The following GFRA1 variants were observed in gnomAD, a reference collection of about 807,000 sequenced individuals.
The protein encoded by GFRA1 is GDNF family receptor alpha-1.
Under a neutral mutation model 51.6 loss-of-function variants are expected in GFRA1, and 16 were observed. The ratio of observed to expected loss-of-function variants is 0.31; its 90% CI spans 0.21 to 0.47. The LOEUF is 0.47. Among genes scored for constraint, GFRA1 ranks in the 20% least tolerant of loss-of-function variants. The probability of loss-of-function intolerance (pLI) is 1.00; values close to 1 mark genes in which losing one functional copy is unlikely to be tolerated. For synonymous variants in GFRA1, 270 were observed against 241.3 expected, an observed-to-expected ratio of 1.12 and a Z score of -1.10; for missense variants, 530 against 594.3, an observed-to-expected ratio of 0.89 and a Z score of 1.13.
At chr10:116,155,934 C>A (rs1343727076) in intron 5 of GFRA1, among the ~76,000 whole-genome samples, 2 of 152,200 alleles carry the variant, frequency 1.3e-5, no homozygotes, top group Non-Finnish European at 2.9e-5. Context: ...GCACACCCAC[C>A]AAAAGCAAAC....
intron 6 of GFRA1, among the ~76,000 whole-genome samples, chr10:116,123,487 T>G (rs776921490): frequency 2.0e-5 from 3 of 152,196 alleles, no homozygotes; most frequent in Non-Finnish European, 4.4e-5. Context: ...ACAGTTTTCT[T>G]TGGTCATTAT....
chr10:116,109,228 C>T (rs1196344337), intron 6 of GFRA1, among the ~76,000 whole-genome samples: 3 of 152,074 alleles, frequency 2.0e-5, no homozygotes, highest in South Asian at 2.1e-4. Flanking sequence ...GGAAAGAAGC[C>T]GCAGCTTCTT....
chr10:116,193,239 GA>G lies in GFRA1; in HGVS notation c.433+18391del, dbSNP rs559983101. On this transcript the variant is annotated intron_variant, in intron 5 of 10. Coordinates refer to ENST00000355422, the MANE Select transcript of GFRA1 (RefSeq NM_005264.8). ...GCCATTTCTGCAAACAGCGGGTTTG[GA>G]AAATACAAAGGACCCCTGCCACCTC... is the stretch of plus-strand genomic sequence containing the variant. Among the ~76,000 whole-genome samples, 20 of 152,212 alleles carry G rather than the reference GA, an allele frequency of 1.3e-4. 1 individual carries two copies. In the South Asian group the frequency reaches 3.7e-3, roughly 28 times the overall value.
Position 116,062,141 on chromosome 10 carries a change from C to A in GFRA1, c.*2257G>T. 1 of 398,564 alleles carries A rather than the reference C, an allele frequency of 2.5e-6. No homozygotes were observed. The highest frequency in any genetic ancestry group is 1.3e-4 in the South Asian group (1 of 7,832). 24.7% of individuals were successfully genotyped at this position (398,564 alleles called of 1,614,324 possible). A position where few individuals can be genotyped will look rare whatever the true frequency, so the allele number is the denominator to read the frequency against. On this transcript the variant is annotated 3_prime_UTR_variant, in exon 11 of 11. Coordinates refer to ENST00000355422, the MANE Select transcript of GFRA1 (RefSeq NM_005264.8). ...CTGAAACTCCCATTTCCGCTTTGGTCATCTGATGCTAATTAGAGCTGCTGT... is the reference window on the plus strand; with the variant it reads ...CTGAAACTCCCATTTCCGCTTTGGTAATCTGATGCTAATTAGAGCTGCTGT...
At chr10:116,102,664 C>G (rs945339770) in intron 6 of GFRA1, among the ~76,000 whole-genome samples, 7 of 152,250 alleles carry the variant, frequency 4.6e-5, no homozygotes, top group African/African-American at 1.7e-4. Flanking sequence ...AAGGGGTTTC[C>G]CCTTATGAAA....
In GFRA1 at chr10:116,064,543, C is replaced by A; in HGVS notation, c.1253G>T (p.Gly418Val). ...ACCGAGACCTTCTTTTTCATAATTA[C>A]CCTGTAAGGAAGAATGGTTTCATTA... is the stretch of plus-strand genomic sequence containing the variant. ...SGNTHLCISN[G>V]NYEKEGLGAS... Residue 418 changes from glycine to valine, a missense_variant and splice_region_variant, in exon 11 of 11, where the codon GGT (glycine) becomes GTT (valine). Gly to Val is a moderately radical substitution (Grantham distance 109). Transcript: ENST00000355422. 5 of 1,611,402 alleles carry A rather than the reference C, an allele frequency of 3.1e-6. No homozygotes were observed. The highest frequency in any genetic ancestry group is 4.2e-6 in the Non-Finnish European group (5 of 1,177,816).
chr10:116,124,228 T>C (rs772106762), intron 6 of GFRA1, among the ~76,000 whole-genome samples: 2 of 147,614 alleles, frequency 1.4e-5, no homozygotes, highest in Non-Finnish European at 3.0e-5. Context: ...TTCTTCTTCT[T>C]CTTCTTCTTT....
intron 5 of GFRA1, among the ~76,000 whole-genome samples, chr10:116,150,871 T>C (rs1292535549): frequency 6.6e-6 from 1 of 152,258 alleles, no homozygotes; most frequent in African/African-American, 2.4e-5. Flanking sequence ...ATGATTCAGA[T>C]GTTAGTTCTG....
At chr10:116,125,188 C>A in intron 6 of GFRA1, 33 bp downstream of exon 6, 1 of 1,566,736 alleles carries the variant, frequency 6.4e-7, no homozygotes, top group Non-Finnish European at 8.8e-7. Context: ...TCCCTGTCAC[C>A]TCATTAATCA....
At chr10:116,211,311 A>G (rs1281670426) in intron 5 of GFRA1, among the ~76,000 whole-genome samples, 1 of 152,126 alleles carries the variant, frequency 6.6e-6, no homozygotes, top group Non-Finnish European at 1.5e-5. Context: ...TCCCCTCCAG[A>G]GTATCAGTCC....
intron 5 of GFRA1, among the ~76,000 whole-genome samples, chr10:116,205,431 T>C (rs1247249638): frequency 6.6e-6 from 1 of 151,542 alleles, no homozygotes; most frequent in African/African-American, 2.4e-5. Flanking sequence ...AAAAATTAGC[T>C]GGGCGTAGCG....
At chr10:116,201,341 G>C (rs1459662732) in intron 5 of GFRA1, among the ~76,000 whole-genome samples, 2 of 152,074 alleles carry the variant, frequency 1.3e-5, no homozygotes, top group East Asian at 1.9e-4. Flanking sequence ...GAGTGTTAGG[G>C]GGCAGAAGAA....
intron 4 of GFRA1, among the ~76,000 whole-genome samples, chr10:116,267,534 C>G (rs1173005505): frequency 6.6e-6 from 1 of 152,134 alleles, no homozygotes; most frequent in African/African-American, 2.4e-5. Flanking sequence ...AACCCAGTGG[C>G]CCTTCTTCCT....
chr10:116,110,738 C>T lies in GFRA1; in HGVS notation c.771-13974G>A, dbSNP rs185159809. 1.6e-3 allele frequency among the ~76,000 whole-genome samples: 247 copies of T among 152,272 alleles called. 1 individual carries two copies. The highest frequency in any genetic ancestry group is 5.5e-3 in the African/African-American group (230 of 41,560). Reference sequence around the variant, plus strand: ...TTCAATTACCATGATCACTAAGCACCCACAATGTAAGATGCTGTGTAAAAG... The same window carrying T: ...TTCAATTACCATGATCACTAAGCACTCACAATGTAAGATGCTGTGTAAAAG... On this transcript the variant is annotated intron_variant, in intron 6 of 10. Transcript: ENST00000355422.
At chr10:116,076,634 A>G (rs1360153366) in intron 9 of GFRA1, among the ~76,000 whole-genome samples, 2 of 152,172 alleles carry the variant, frequency 1.3e-5, no homozygotes, top group Non-Finnish European at 2.9e-5. Context: ...TGCACCTCAG[A>G]GGGGAAACAG....
intron 4 of GFRA1, among the ~76,000 whole-genome samples, chr10:116,230,827 G>A (rs995871353): frequency 2.0e-5 from 3 of 152,122 alleles, no homozygotes; most frequent in African/African-American, 7.2e-5. Context: ...TAGCAACCAT[G>A]GCAATTATTT....
intron 8 of GFRA1, among the ~76,000 whole-genome samples, chr10:116,091,358 A>T (rs1956326748): frequency 6.6e-6 from 1 of 152,240 alleles, no homozygotes. Flanking sequence ...TTTGCAGGCA[A>T]ATAAGTGAAA....
chr10:116,129,360 A>C (rs572022511), intron 5 of GFRA1, among the ~76,000 whole-genome samples: 172 of 152,340 alleles, frequency 1.1e-3, no homozygotes, highest in Non-Finnish European at 2.1e-3. Context: ...TCAAGAATGC[A>C]AGGTTAGTTT....
intron 6 of GFRA1, among the ~76,000 whole-genome samples, chr10:116,105,502 A>G (rs886956674): frequency 3.9e-5 from 6 of 152,216 alleles, no homozygotes; most frequent in African/African-American, 9.7e-5. Flanking sequence ...AATCCTGGGC[A>G]GCAAAGGTCA....
Sources: gnomAD v4.1 joint callset for allele counts (sites outside exome capture counted in the v4.1 genomes callset) on GRCh38, gnomAD v4.1.1 for gene constraint, MANE v1.5 for transcripts, NCBI Gene and HGNC (gene_info 2026-07-23, HGNC 2026-07-21) for gene names.